SSPN: variants seen among roughly 807,000 people sequenced by gnomAD.
SSPN encodes the protein sarcospan, also known as K-ras oncogene-associated protein.
SSPN carries 15 observed loss-of-function variants against 19.1 expected under a neutral mutation model. The observed-to-expected ratio is 0.78, with a 90% CI of 0.52 to 1.21. The LOEUF (loss-of-function observed/expected upper bound fraction) is 1.21. Among genes scored for constraint, SSPN ranks in the 50% most tolerant of loss-of-function variants. The probability of loss-of-function intolerance (pLI) is 0.00; values close to 1 mark genes in which losing one functional copy is unlikely to be tolerated. For synonymous variants in SSPN, 147 were observed against 140.3 expected, an observed-to-expected ratio of 1.05 and a Z score of -0.34; for missense variants, 291 against 314.0, an observed-to-expected ratio of 0.93 and a Z score of 0.55.
At chr12:26,125,368 G>C (rs899505204) in intron 1 of SSPN, 1 of 180,164 alleles carries the variant, frequency 5.6e-6, no homozygotes, top group Non-Finnish European at 1.2e-5. Flanking sequence ...CCGTTGTTAC[G>C]GTGCAGGAAT....
At chr12:26,132,287 T>C (rs1944401171) in intron 1 of SSPN, among the ~76,000 whole-genome samples, 2 of 152,360 alleles carry the variant, frequency 1.3e-5, no homozygotes, top group Non-Finnish European at 1.5e-5. Context: ...ACTGTGCTTA[T>C]ATGAACTGTG....
chr12:26,151,784 GA>G (rs552789268), intron 1 of SSPN, among the ~76,000 whole-genome samples: 6 of 151,938 alleles, frequency 3.9e-5, no homozygotes, highest in African/African-American at 1.5e-4. Context: ...CACATGTGGA[GA>G]AAAAAAATAT....
intron 1 of SSPN, among the ~76,000 whole-genome samples, chr12:26,219,440 A>T (rs1945095345): frequency 6.6e-6 from 1 of 151,590 alleles, no homozygotes; most frequent in Non-Finnish European, 1.5e-5. Flanking sequence ...AATAACAAAG[A>T]CAAAGACAAT....
intron 1 of SSPN, among the ~76,000 whole-genome samples, chr12:26,172,257 G>C (rs1019958281): frequency 1.2e-4 from 19 of 152,130 alleles, no homozygotes; most frequent in Non-Finnish European, 1.8e-4. Flanking sequence ...AAATGTGTAT[G>C]AAAATAATTC....
intron 1 of SSPN, among the ~76,000 whole-genome samples, chr12:26,208,925 G>A (rs1278575454): frequency 6.6e-6 from 1 of 151,980 alleles, no homozygotes; most frequent in Non-Finnish European, 1.5e-5. Context: ...CTATCACTAT[G>A]CCAATACCAT....
intron 1 of SSPN, among the ~76,000 whole-genome samples, chr12:26,221,848 A>G (rs1168720440): frequency 6.6e-6 from 1 of 152,240 alleles, no homozygotes; most frequent in Admixed American, 6.5e-5. Context: ...ACAAACCTCA[A>G]TCTGGTGTGT....
intron 1 of SSPN, among the ~76,000 whole-genome samples, chr12:26,221,491 T>C (rs570884171): frequency 1.3e-5 from 2 of 152,340 alleles, no homozygotes; most frequent in African/African-American, 4.8e-5. Flanking sequence ...TTATTGTATG[T>C]CCTCCATAAA....
intron 1 of SSPN, among the ~76,000 whole-genome samples, chr12:26,208,996 AC>A (rs1035251875): frequency 6.7e-6 from 1 of 149,002 alleles, no homozygotes; most frequent in African/African-American, 2.4e-5. Flanking sequence ...TAAGCAGCCC[AC>A]CCCCAACCCA....
rs1210079974 is a variant in SSPN, at chr12:26,231,405, T to C, written c.*329T>C. On this transcript the variant is annotated 3_prime_UTR_variant, in exon 3 of 3. Coordinates refer to ENST00000242729, the MANE Select transcript of SSPN (RefSeq NM_005086.5). ...CTCATTTTATCCATTCCTTACATAA[T>C]CTTCTTTCCTGTTAGTCCAGTTTGA... 1.4e-5 allele frequency: 3 copies of C among 215,216 alleles called. No homozygotes were observed. Among genetic ancestry groups the C allele is most frequent in the Non-Finnish European group, 2.7e-5 (3 of 109,560 alleles). 13.3% of individuals were successfully genotyped at this position (215,216 alleles called of 1,614,324 possible).
In SSPN at chr12:26,123,048, T is replaced by C. The variant is rs138601663; in HGVS notation, c.-31+896T>C. On this transcript the variant is annotated intron_variant, in intron 1 of 2. Coordinates refer to the SSPN transcript ENST00000538142. Reference sequence around the variant, plus strand: ...GTTGATCAGCTGGACACACCGCGGCTCCCTGGGTGTCCAGCTCTCAAACCG... The same window carrying C: ...GTTGATCAGCTGGACACACCGCGGCCCCCTGGGTGTCCAGCTCTCAAACCG... The C allele has an allele frequency of 5.7e-6, 9 of 1,579,902 alleles. No individual in the cohort carries two copies. Among genetic ancestry groups the C allele is most frequent in the Non-Finnish European group, 7.7e-6 (9 of 1,162,274 alleles).
chr12:26,224,828 C>G (rs1386458160), intron 2 of SSPN, among the ~76,000 whole-genome samples: 5 of 152,006 alleles, frequency 3.3e-5, no homozygotes, highest in Admixed American at 6.6e-5. Flanking sequence ...TGCCAAGACT[C>G]TCAGGGCAAA....
chr12:26,154,693 T>C (rs1474870969), intron 1 of SSPN, among the ~76,000 whole-genome samples: 2 of 152,220 alleles, frequency 1.3e-5, no homozygotes, highest in Non-Finnish European at 2.9e-5. Context: ...TAGGTAAACA[T>C]TTCAGCTGAG....
intron 1 of SSPN, among the ~76,000 whole-genome samples, chr12:26,213,614 T>G (rs928713627): frequency 4.6e-5 from 7 of 152,126 alleles, no homozygotes; most frequent in African/African-American, 1.7e-4. Context: ...TCTTAGATAC[T>G]TATAGTGGAT....
chr12:26,139,670 G>A (rs2620701), intron 1 of SSPN, among the ~76,000 whole-genome samples: 2,855 of 152,222 alleles, frequency 0.019, 84 homozygotes, highest in African/African-American at 0.065. Flanking sequence ...AAAGCAAATA[G>A]TAAAATGTGG....
At chr12:26,153,716 G>A (rs1944539291) in intron 1 of SSPN, among the ~76,000 whole-genome samples, 1 of 152,218 alleles carries the variant, frequency 6.6e-6, no homozygotes, top group Non-Finnish European at 1.5e-5. Flanking sequence ...CTGGACTCTT[G>A]TTGCATGTCT....
Position 26,122,981 on chromosome 12 carries a change from C to T in SSPN, c.-31+829C>T, listed in dbSNP as rs758835455. The T allele has an allele frequency of 6.3e-5, 98 of 1,565,248 alleles. 1 individual carries two copies. The highest frequency in any genetic ancestry group is 2.9e-4 in the South Asian group (25 of 85,186). ...TCAGAGGGACCTGTTGAGTCAACAG[C>T]TGCGGGGTGGGCAAGAACTGGGTGG... On this transcript the variant is annotated intron_variant, in intron 1 of 2. Transcript: ENST00000538142.
chr12:26,165,625 A>C (rs1195822878), intron 1 of SSPN, among the ~76,000 whole-genome samples: 2 of 152,342 alleles, frequency 1.3e-5, no homozygotes, highest in East Asian at 3.9e-4. Context: ...AGGCAGCCCT[A>C]GGGGCAGGGA....
Position 26,224,327 on chromosome 12 carries a change from T to C in SSPN, c.314T>C (p.Leu105Pro). 2 of 1,614,100 alleles carry C rather than the reference T, an allele frequency of 1.2e-6. No individual in the cohort carries two copies. The highest frequency in any genetic ancestry group is 1.1e-5 in the South Asian group (1 of 91,078). Residue 105 changes from leucine to proline, a missense_variant, in exon 2 of 3, where the codon CTT becomes CCT. Leu to Pro is a moderately conservative substitution (Grantham distance 98). Around this residue, in one of 3 missense-constraint regions of SSPN, gnomAD observed 11 missense variants for 27.7 expected, o/e 0.40. Coordinates refer to ENST00000242729, the MANE Select transcript of SSPN (RefSeq NM_005086.5). Reference protein sequence around the residue: ...CLVAYLGLFMLCVSYQVDERT... With the variant: ...CLVAYLGLFMPCVSYQVDERT... ...GTGGCCTATCTTGGCTTGTTTATGC[T>C]TTGTGTCTCATATCAGGTTGACGAA... is the stretch of plus-strand genomic sequence containing the variant.
At chr12:26,199,375 T>C (rs971363899) in intron 1 of SSPN, among the ~76,000 whole-genome samples, 1 of 152,156 alleles carries the variant, frequency 6.6e-6, no homozygotes, top group African/African-American at 2.4e-5. Flanking sequence ...AAAAGATTCC[T>C]GTAAGGGGGG....
Sources: gnomAD v4.1 joint callset for allele counts (sites outside exome capture counted in the v4.1 genomes callset) on GRCh38, gnomAD v4.1.1 for gene constraint, gnomAD v4.1.1 regional missense constraint, MANE v1.5 for transcripts, NCBI Gene and HGNC (gene_info 2026-07-23, HGNC 2026-07-21) for gene names.